The following AMPD3 variants were observed in gnomAD, a reference collection of about 807,000 sequenced individuals.
The protein encoded by AMPD3 is AMP deaminase 3.
AMPD3 carries 57 observed loss-of-function variants against 82.3 expected under a neutral mutation model. The observed-to-expected ratio is 0.69, with a 90% CI of 0.56 to 0.86. AMPD3 has a LOEUF of 0.86. AMPD3 is among the 40% of genes least tolerant of loss of function. The pLI is 0.00. For synonymous variants in AMPD3, 381 were observed against 394.7 expected (o/e 0.97, Z 0.41); for missense variants, 870 against 1,003.8 (o/e 0.87, Z 1.80).
intron 2 of AMPD3, chr11:10,478,031 C>T (rs1324652605): frequency 1.0e-6 from 1 of 985,322 alleles, no homozygotes; most frequent in East Asian, 1.1e-4. Context: ...CCCCAAATGT[C>T]TAACTGTGTG....
chr11:10,493,232 G>T, intron 6 of AMPD3, 117 bp from the exon 7 acceptor site: 1 of 1,195,466 alleles, frequency 8.4e-7, no homozygotes, highest in Non-Finnish European at 1.2e-6. Context: ...CACTGGTGGG[G>T]CTGCCCGGAT....
At chr11:10,460,989 T>C in intron 1 of AMPD3, 1 of 985,484 alleles carries the variant, frequency 1.0e-6, no homozygotes, top group South Asian at 4.7e-5. Flanking sequence ...AGATTCTTTC[T>C]CTTCAGCAAA....
upstream of AMPD3, chr11:10,451,116 C>G (rs563374007): frequency 2.4e-5 from 37 of 1,537,524 alleles, no homozygotes; most frequent in East Asian, 8.1e-4. Flanking sequence ...CGGGAATCAG[C>G]AGCGCCCTGG....
intron 2 of AMPD3, among the ~76,000 whole-genome samples, chr11:10,467,948 T>C (rs746194311): frequency 3.9e-5 from 6 of 152,182 alleles, no homozygotes; most frequent in Non-Finnish European, 7.3e-5. Flanking sequence ...AATAAAATCC[T>C]TTACAGACAA....
At chr11:10,496,725 G>A in intron 9 of AMPD3, 87 bp from the exon 10 acceptor site, 1 of 1,604,268 alleles carries the variant, frequency 6.2e-7, no homozygotes, top group Non-Finnish European at 8.5e-7. Flanking sequence ...GGGACACAGG[G>A]TGCCTGAGGA....
chr11:10,490,048 A>C (rs1472790026), intron 6 of AMPD3, among the ~76,000 whole-genome samples: 2 of 152,108 alleles, frequency 1.3e-5, no homozygotes, highest in Non-Finnish European at 2.9e-5. Context: ...AATGGGCTGG[A>C]TGATGGCCTC....
chr11:10,458,193 C>G (rs1848153596), intron 1 of AMPD3, among the ~76,000 whole-genome samples: 1 of 144,702 alleles, frequency 6.9e-6, no homozygotes, highest in South Asian at 2.2e-4. Flanking sequence ...CTCTTAGCCT[C>G]AAGTGATCCT....
At chr11:10,474,226 G>A (rs1439669220) in intron 2 of AMPD3, among the ~76,000 whole-genome samples, 1 of 152,212 alleles carries the variant, frequency 6.6e-6, no homozygotes, top group Admixed American at 6.5e-5. Flanking sequence ...CCAGGGCCTG[G>A]CACACAGTAG....
chr11:10,472,018 A>G (rs1239345434), intron 2 of AMPD3, among the ~76,000 whole-genome samples: 2 of 152,232 alleles, frequency 1.3e-5, no homozygotes, highest in Admixed American at 6.5e-5. Context: ...AGCACTATCC[A>G]CAATAGCAAA....
rs1211557967 is a variant in AMPD3, at chr11:10,456,604, A to C, written c.-6+1156A>C. The C allele has an allele frequency of 1.0e-6, 1 of 985,460 alleles. No homozygotes were observed. Among genetic ancestry groups the C allele is most frequent in the Non-Finnish European group, 1.2e-6 (1 of 829,934 alleles). The allele number at this position is 985,460 out of a possible 1,614,324, so 61.0% of individuals were successfully genotyped here. A position where few individuals can be genotyped will look rare whatever the true frequency, so the allele number is the denominator to read the frequency against. On this transcript the variant is annotated intron_variant, in intron 1 of 14. Coordinates refer to ENST00000396553, the MANE Select transcript of AMPD3 (RefSeq NM_001025389.2). This position sits in a 1 kb window ranked among gnomAD's most constrained non-coding sequence, Gnocchi z 4.3. Reference sequence around the variant, plus strand: ...CTTCAAGTTCATCAGAGCGTGTTGCATGTAACAGTGAGATAAGCTGTATCA... The same window carrying C: ...CTTCAAGTTCATCAGAGCGTGTTGCCTGTAACAGTGAGATAAGCTGTATCA...
At chr11:10,450,846 C>T, upstream of AMPD3, 1 of 1,200,112 alleles carries the variant, frequency 8.3e-7, no homozygotes, top group Non-Finnish European at 1.0e-6. Context: ...CGGGGCCCTC[C>T]TGGCCGGGGA....
intron 10 of AMPD3, chr11:10,498,475 G>T (rs547250631): frequency 6.6e-6 from 1 of 152,624 alleles, no homozygotes; most frequent in African/African-American, 2.4e-5. Flanking sequence ...TCTGAAGAGG[G>T]GCTGAAATTA....
At chr11:10,486,351 T>C (rs1217222673) in intron 5 of AMPD3, among the ~76,000 whole-genome samples, 1 of 152,142 alleles carries the variant, frequency 6.6e-6, no homozygotes, top group Non-Finnish European at 1.5e-5. Flanking sequence ...CTGTTTGTTT[T>C]GGGGGCCTGA....
At chr11:10,451,617 T>C (rs1231554409), upstream of AMPD3, among the ~76,000 whole-genome samples, 5 of 152,168 alleles carry the variant, frequency 3.3e-5, no homozygotes, top group Admixed American at 6.5e-5. Flanking sequence ...GGGGAGAGTT[T>C]TGAGAGGCCT....
chr11:10,496,145 G>A (rs1849393095), intron 9 of AMPD3: 1 of 815,878 alleles, frequency 1.2e-6, no homozygotes, highest in African/African-American at 1.9e-5. Flanking sequence ...TTGAACTCCT[G>A]ACCTCGTGAT....
At chr11:10,463,369 CCT>C (rs1351606244) in intron 2 of AMPD3, among the ~76,000 whole-genome samples, 2 of 152,174 alleles carry the variant, frequency 1.3e-5, no homozygotes, top group Admixed American at 1.3e-4. Flanking sequence ...CATTGGTTAA[CCT>C]CTGAGTGCCA....
Position 10,500,263 on chromosome 11 carries a change from G to A in AMPD3, c.1721+14G>A, listed in dbSNP as rs768336122. 2.5e-6 allele frequency: 4 copies of A among 1,614,068 alleles called. No homozygotes were observed. Among genetic ancestry groups the A allele is most frequent in the Non-Finnish European group, 3.4e-6 (4 of 1,179,920 alleles). On this transcript the variant is annotated intron_variant, in intron 11 of 14. Transcript: ENST00000396553. ...CAACCTCCGCAGGTGCGTGAGGCCT[G>A]CCCTCGCACATGCTTGGGTTCATGT...
At position 10,506,710 on chromosome 11, in the gene AMPD3, T is replaced by C. The variant is rs1849722791; in HGVS notation, c.*826T>C. The C allele has an allele frequency of 6.6e-6, 1 of 152,420 alleles. No homozygotes were observed. The highest frequency in any genetic ancestry group is 2.4e-5 in the African/African-American group (1 of 41,478). 9.4% of individuals were successfully genotyped at this position (152,420 alleles called of 1,614,324 possible). The stretch of plus-strand genomic sequence containing the variant: ...AAAAAGCACAGGACTAGATGATCTC[T>C]GTTCCTTTTGGCTCTAATATGCTAC... On this transcript the variant is annotated 3_prime_UTR_variant, in exon 15 of 15. Transcript: ENST00000396553. This position sits in a 1 kb window ranked among gnomAD's most constrained non-coding sequence, Gnocchi z 4.1.
chr11:10,485,393 C>T (rs35022461), intron 5 of AMPD3, among the ~76,000 whole-genome samples: 8,554 of 152,152 alleles, frequency 0.056, 317 homozygotes, highest in Non-Finnish European at 0.084. Context: ...ACTACAGGCA[C>T]GTGCCACCAT....
Sources: gnomAD v4.1 joint callset for allele counts (sites outside exome capture counted in the v4.1 genomes callset) on GRCh38, gnomAD v4.1.1 for gene constraint, Gnocchi (gnomAD v3.1) non-coding constraint, MANE v1.5 for transcripts, NCBI Gene and HGNC (gene_info 2026-07-23, HGNC 2026-07-21) for gene names.